The following A4GNT variants were observed in gnomAD, a reference collection of about 807,000 sequenced individuals.
The protein encoded by A4GNT is alpha-1,4-N-acetylglucosaminyltransferase.
A4GNT carries 6 observed loss-of-function variants against 8.3 expected under a neutral mutation model. The ratio of observed to expected loss-of-function variants is 0.72; its 90% CI spans 0.39 to 1.42. A4GNT has a LOEUF of 1.42. A4GNT is among the 40% of genes most tolerant of loss of function. A4GNT has a pLI of 0.02. For synonymous variants in A4GNT, 157 were observed against 159.8 expected (o/e 0.98, Z 0.13); for missense variants, 377 against 417.0 (o/e 0.90, Z 0.84).
chr3:138,132,619 G>T (rs1181606268), upstream of A4GNT, among the ~76,000 whole-genome samples: 2 of 152,172 alleles, frequency 1.3e-5, no homozygotes, highest in East Asian at 3.9e-4. Flanking sequence ...TATTATGGGG[G>T]TTATAAAGGG....
intron 2 of A4GNT, 97 bp from the exon 3 acceptor site, chr3:138,124,975 A>G: frequency 6.9e-7 from 1 of 1,447,374 alleles, no homozygotes; most frequent in Non-Finnish European, 9.2e-7. Context: ...GGAGGGGTTA[A>G]AGAAGCCAGC....
intron 2 of A4GNT, among the ~76,000 whole-genome samples, chr3:138,125,358 T>C (rs2042739365): frequency 6.6e-6 from 1 of 152,180 alleles, no homozygotes; most frequent in South Asian, 2.1e-4. Context: ...ATGCATACCT[T>C]TGCTCATGTA....
chr3:138,132,978 G>A (rs2042786850), upstream of A4GNT, among the ~76,000 whole-genome samples: 1 of 152,150 alleles, frequency 6.6e-6, no homozygotes, highest in African/African-American at 2.4e-5. Context: ...CCACTGATGT[G>A]GCAGTCCCCA....
Position 138,130,835 on chromosome 3 carries a change from C to T in A4GNT, c.408+14G>A. On this transcript the variant is annotated intron_variant, in intron 2 of 2. Transcript: ENST00000236709. Reference sequence around the variant, plus strand: ...TACAATTCGTTGACATTTTAAGTTTCCCTAAACACTTACTTGATTGTACCA... The same window carrying T: ...TACAATTCGTTGACATTTTAAGTTTTCCTAAACACTTACTTGATTGTACCA... 6.2e-7 allele frequency: 1 copy of T among 1,611,090 alleles called. No homozygotes were observed. The highest frequency in any genetic ancestry group is 8.5e-7 in the Non-Finnish European group (1 of 1,178,506).
chr3:138,130,999 A>T lies in A4GNT; in HGVS notation c.258T>A (p.Phe86Leu). The T allele has an allele frequency of 6.2e-7, 1 of 1,614,130 alleles. No individual in the cohort carries two copies. Among genetic ancestry groups the T allele is most frequent in the Non-Finnish European group, 8.5e-7 (1 of 1,179,998 alleles). Residue 86 changes from phenylalanine to leucine, a missense_variant, in exon 2 of 3, where the codon TTT becomes TTA. By Grantham distance (22) the Phe-to-Leu change is conservative. Transcript: ENST00000236709. ...KIYPEWPVVF[F>L]MKGLTDSTPM... Reference sequence around the variant, plus strand: ...GTGTGGAATCAGTAAGACCCTTCATAAAGAACACCACAGGCCACTCAGGAT... The same window carrying T: ...GTGTGGAATCAGTAAGACCCTTCATTAAGAACACCACAGGCCACTCAGGAT...
chr3:138,125,333 TAA>T (rs890231574), intron 2 of A4GNT, among the ~76,000 whole-genome samples: 1 of 152,104 alleles, frequency 6.6e-6, no homozygotes, highest in Non-Finnish European at 1.5e-5. Context: ...GAAAAATTGA[TAA>T]AAAAATCTTA....
At chr3:138,127,342 G>A (rs1462805502) in intron 2 of A4GNT, among the ~76,000 whole-genome samples, 2 of 151,582 alleles carry the variant, frequency 1.3e-5, no homozygotes, top group Non-Finnish European at 2.9e-5. Context: ...TTGGGAGACC[G>A]AGGTGGGCGG....
intron 1 of A4GNT, 125 bp from the exon 2 acceptor site, chr3:138,131,407 G>C (rs1249667317): frequency 1.2e-6 from 1 of 855,186 alleles, no homozygotes; most frequent in African/African-American, 1.7e-5. Context: ...AAAATATGAT[G>C]AAATCAAGTC....
chr3:138,124,101 A>G lies in A4GNT; in HGVS notation c.*163T>C. The stretch of plus-strand genomic sequence containing the variant: ...GGGTGTATGTTTTATAGCCAGTATC[A>G]TTTGGGATTTTTCTATTACAGACAG... On this transcript the variant is annotated 3_prime_UTR_variant, in exon 3 of 3. Transcript: ENST00000236709. 1 of 926,464 alleles carries G rather than the reference A, an allele frequency of 1.1e-6. No individual in the cohort carries two copies. The highest frequency in any genetic ancestry group is 1.6e-6 in the Non-Finnish European group (1 of 633,764). 57.4% of individuals were successfully genotyped at this position (926,464 alleles called of 1,614,324 possible). A position where few individuals can be genotyped will look rare whatever the true frequency, so the allele number is the denominator to read the frequency against.
At chr3:138,126,914 G>A (rs1198289436) in intron 2 of A4GNT, among the ~76,000 whole-genome samples, 1 of 151,482 alleles carries the variant, frequency 6.6e-6, no homozygotes, top group Non-Finnish European at 1.5e-5. Context: ...GGCAGATCAC[G>A]AGGTCAGGAG....
intron 2 of A4GNT, among the ~76,000 whole-genome samples, chr3:138,130,196 C>T (rs1265101620): frequency 2.6e-5 from 4 of 151,366 alleles, no homozygotes; most frequent in African/African-American, 9.7e-5. Context: ...GTGTTATAGT[C>T]TTCATAGGAT....
Position 138,124,563 on chromosome 3 carries a change from G to A in A4GNT, c.724C>T (p.Gln242Ter). ...AGACACCTGAGGTCGCTCACCTCCT[G>A]GAAGTCTTCAAGTTTACACCATACC... ...LRVWCKLEDF[Q>*]EVSDLRCLNI... is the part of the protein sequence containing the mutation. Residue 242 changes from glutamine (Q) to a stop codon, truncating the protein, a stop_gained, in exon 3 of 3, where the codon CAG becomes TAG. Transcript: ENST00000236709. LOFTEE classifies it low-confidence loss of function (END_TRUNC). 6.2e-7 allele frequency: 1 copy of A among 1,614,192 alleles called. No homozygotes were observed. Among genetic ancestry groups the A allele is most frequent in the African/African-American group, 1.3e-5 (1 of 75,050 alleles).
Position 138,123,871 on chromosome 3 carries a change from C to G in A4GNT, c.*393G>C, listed in dbSNP as rs144260199. On this transcript the variant is annotated 3_prime_UTR_variant, in exon 3 of 3. Transcript: ENST00000236709. ...TGTAGCAAAACTGTTAGCTGCCTATCCCAGTACCCATTTTTTCTTCCTCCT... is the reference window on the plus strand; with the variant it reads ...TGTAGCAAAACTGTTAGCTGCCTATGCCAGTACCCATTTTTTCTTCCTCCT... 285 of 182,104 alleles carry G rather than the reference C, an allele frequency of 1.6e-3. 1 individual carries two copies. The highest frequency in any genetic ancestry group is 4.8e-3 in the Admixed American group (85 of 17,876). The allele number at this position is 182,104 out of a possible 1,614,324, so 11.3% of individuals were successfully genotyped here. A position where few individuals can be genotyped will look rare whatever the true frequency, so the allele number is the denominator to read the frequency against.
chr3:138,124,973 T>G, intron 2 of A4GNT, 95 bp from the exon 3 acceptor site: 3 of 1,452,926 alleles, frequency 2.1e-6, no homozygotes, highest in Non-Finnish European at 2.8e-6. Flanking sequence ...GGGGAGGGGT[T>G]AAAGAAGCCA....
intron 2 of A4GNT, among the ~76,000 whole-genome samples, chr3:138,127,777 T>C (rs2042754733): frequency 6.6e-6 from 1 of 152,170 alleles, no homozygotes; most frequent in African/African-American, 2.4e-5. Context: ...ACCTTAGATC[T>C]TTCCTAACAG....
Position 138,124,382 on chromosome 3 carries a change from C to G in A4GNT, c.905G>C (p.Arg302Thr), listed in dbSNP as rs755712762. ...ATTTTCCACCAGTGTGTTGCTTCCTCTAATCACAGCCCGCCCCTCCTGGTT... is the reference window on the plus strand; with the variant it reads ...ATTTTCCACCAGTGTGTTGCTTCCTGTAATCACAGCCCGCCCCTCCTGGTT... The part of the protein sequence containing the change: ...HMNQEGRAVI[R>T]GSNTLVENLY... Residue 302 changes from arginine to threonine, a missense_variant, in exon 3 of 3, where the codon AGA (arginine) becomes ACA (threonine). Arg to Thr is a moderately conservative substitution (Grantham distance 71, BLOSUM62 -1). Transcript: ENST00000236709. The G allele has an allele frequency of 6.2e-7, 1 of 1,614,128 alleles. No homozygotes were observed. The highest frequency in any genetic ancestry group is 1.3e-5 in the African/African-American group (1 of 74,954).
chr3:138,127,500 G>T (rs1175606235), intron 2 of A4GNT, among the ~76,000 whole-genome samples: 1 of 151,820 alleles, frequency 6.6e-6, no homozygotes. Flanking sequence ...CTTGAACCCG[G>T]GAAGCGGAGG....
Position 138,130,987 on chromosome 3 carries a change from A to C in A4GNT, c.270T>G (p.Leu90=). 2 of 1,614,126 alleles carry C rather than the reference A, an allele frequency of 1.2e-6. No homozygotes were observed. Among genetic ancestry groups the C allele is most frequent in the Non-Finnish European group, 1.7e-6 (2 of 1,180,006 alleles). The change falls in exon 2 of 3, where the codon CTT becomes CTG. Residue 90 remains leucine, a synonymous_variant. Coordinates refer to ENST00000236709, the MANE Select transcript of A4GNT (RefSeq NM_016161.3). ...EWPVVFFMKG[L]TDSTPMPSNS... ...TTGAGGGCATCGGTGTGGAATCAGT[A>C]AGACCCTTCATAAAGAACACCACAG...
chr3:138,130,506 GA>G (rs146157613), intron 2 of A4GNT, among the ~76,000 whole-genome samples: 25 of 147,142 alleles, frequency 1.7e-4, no homozygotes, highest in Non-Finnish European at 2.4e-4. Context: ...CACTTTAGGT[GA>G]AAAAAAAAAT....
Sources: gnomAD v4.1 joint callset for allele counts (sites outside exome capture counted in the v4.1 genomes callset) on GRCh38, gnomAD v4.1.1 for gene constraint, MANE v1.5 for transcripts, NCBI Gene and HGNC (gene_info 2026-07-23, HGNC 2026-07-21) for gene names.